PSPH: variants seen among roughly 807,000 people sequenced by gnomAD.
PSPH encodes the protein L-3-phosphoserine phosphatase.
PSPH carries 16 observed loss-of-function variants against 23.4 expected under a neutral mutation model. The observed-to-expected ratio is 0.68, with a 90% CI of 0.46 to 1.04. The LOEUF (loss-of-function observed/expected upper bound fraction) is 1.04, where lower values mean the gene tolerates loss of function less well. Ranked by LOEUF, PSPH falls within the 50% of genes least tolerant of loss-of-function variation. The pLI, the probability that PSPH is intolerant of heterozygous loss-of-function variation, is 0.00. For missense variants in PSPH, 223 were observed against 273.7 expected, an observed-to-expected ratio of 0.81 and a Z score of 1.31; for synonymous variants, 68 against 99.7, an observed-to-expected ratio of 0.68 and a Z score of 1.89.
intron 3 of PSPH, among the ~76,000 whole-genome samples, chr7:56,021,731 G>A (rs554208240): frequency 4.0e-5 from 6 of 149,964 alleles, no homozygotes; most frequent in Admixed American, 2.0e-4. Context: ...GGCGGATCAC[G>A]AGGTCAGGAG....
intron 1 of PSPH, among the ~76,000 whole-genome samples, chr7:56,043,673 C>G (rs1205195922): frequency 1.7e-5 from 2 of 120,076 alleles, no homozygotes; most frequent in African/African-American, 6.1e-5. Flanking sequence ...ACCCCTGTCT[C>G]TACAATAAAA....
At chr7:56,026,351 C>G (rs1264217161) in intron 3 of PSPH, among the ~76,000 whole-genome samples, 5 of 151,166 alleles carry the variant, frequency 3.3e-5, no homozygotes, top group African/African-American at 1.2e-4. Flanking sequence ...TGGCAGGCAC[C>G]TGTAATCCCA....
intron 3 of PSPH, among the ~76,000 whole-genome samples, chr7:56,028,233 G>A (rs190796740): frequency 6.6e-6 from 1 of 152,018 alleles, no homozygotes; most frequent in Non-Finnish European, 1.5e-5. Context: ...AATATTTTTG[G>A]CTTTTTTTAG....
chr7:56,018,741 T>A (rs1788924734), intron 5 of PSPH, among the ~76,000 whole-genome samples: 1 of 151,132 alleles, frequency 6.6e-6, no homozygotes, highest in Non-Finnish European at 1.5e-5. Flanking sequence ...GTGGGAAAAT[T>A]GATCATTTGA....
At position 56,017,357 on chromosome 7, in the gene PSPH, C is replaced by T. The variant is rs1464459584; in HGVS notation, c.298G>A (p.Glu100Lys). 1 of 1,608,048 alleles carries T rather than the reference C, an allele frequency of 6.2e-7. No individual in the cohort carries two copies. The highest frequency in any genetic ancestry group is 1.3e-5 in the African/African-American group (1 of 74,506). Residue 100 changes from glutamate (E) to lysine (K), a missense_variant, in exon 6 of 8, where the codon GAG (glutamate) becomes AAG (lysine). By Grantham distance (56) the Glu-to-Lys change is moderately conservative. Coordinates refer to ENST00000275605, the MANE Select transcript of PSPH (RefSeq NM_004577.4). ...ATTAGGAAAACCTGAACATTTCGCT[C>T]CTGTAGGCGACTTACCAGCTCCCTG... ...GIRELVSRLQ[E>K]RNVQVFLISG...
At chr7:56,019,891 T>C (rs1789108086) in intron 4 of PSPH, 157 bp from the exon 5 acceptor site, 1 of 922,526 alleles carries the variant, frequency 1.1e-6, no homozygotes, top group Non-Finnish European at 1.7e-6. Context: ...GAGCAAGGCC[T>C]TGGAATAAAC....
At chr7:56,039,869 T>C (rs1584490729) in intron 1 of PSPH, among the ~76,000 whole-genome samples, 1 of 145,674 alleles carries the variant, frequency 6.9e-6, no homozygotes, top group Non-Finnish European at 1.5e-5. Flanking sequence ...GAGGCCGAGG[T>C]GGGCGGATCA....
At chr7:56,025,761 T>G (rs10274148) in intron 3 of PSPH, among the ~76,000 whole-genome samples, 33,380 of 152,094 alleles carry the variant, frequency 0.22, 3,829 homozygotes, top group East Asian at 0.4. Flanking sequence ...ATCCAGCTAA[T>G]TTTTGTATTT....
chr7:56,019,951 C>A, intron 4 of PSPH: 1 of 652,648 alleles, frequency 1.5e-6, no homozygotes, highest in South Asian at 1.6e-5. Flanking sequence ...TGCAGTGACT[C>A]ATGCCCATAA....
chr7:56,023,760 C>A (rs1789784928), intron 3 of PSPH, among the ~76,000 whole-genome samples: 1 of 152,026 alleles, frequency 6.6e-6, no homozygotes, highest in Non-Finnish European at 1.5e-5. Context: ...TGATTTCCAA[C>A]CAATGCAGTT....
chr7:56,017,980 C>A (rs561110170), intron 5 of PSPH, among the ~76,000 whole-genome samples: 43 of 151,922 alleles, frequency 2.8e-4, no homozygotes, highest in Non-Finnish European at 5.7e-4. Flanking sequence ...GTCTTGGCCT[C>A]CCAAAGTGCT....
intron 1 of PSPH, among the ~76,000 whole-genome samples, chr7:56,042,627 G>A (rs1192463172): frequency 6.6e-6 from 1 of 150,462 alleles, no homozygotes; most frequent in Non-Finnish European, 1.5e-5. Flanking sequence ...CTCCAGCTTC[G>A]GCAACAGAGT....
intron 7 of PSPH, among the ~76,000 whole-genome samples, chr7:56,014,608 A>G (rs1011025195): frequency 2.0e-5 from 3 of 151,796 alleles, no homozygotes; most frequent in African/African-American, 7.3e-5. Flanking sequence ...TCCTGCCTCG[A>G]CCTCCCAAAG....
chr7:56,018,142 G>A (rs191121449), intron 5 of PSPH, among the ~76,000 whole-genome samples: 1 of 151,896 alleles, frequency 6.6e-6, no homozygotes. Context: ...TCAGGCATTC[G>A]AGACCAGCCT....
intron 1 of PSPH, among the ~76,000 whole-genome samples, chr7:56,048,176 G>A (rs1793503621): frequency 1.3e-5 from 2 of 152,066 alleles, no homozygotes; most frequent in Admixed American, 1.3e-4. Context: ...CTACTCTGGA[G>A]GCTGAGGCAG....
intron 3 of PSPH, among the ~76,000 whole-genome samples, chr7:56,025,866 A>G (rs1266289228): frequency 1.3e-5 from 2 of 152,126 alleles, no homozygotes; most frequent in Admixed American, 1.3e-4. Context: ...AAGTGCTGGG[A>G]TTATAGGCAT....
intron 6 of PSPH, among the ~76,000 whole-genome samples, chr7:56,016,965 G>C (rs1266759207): frequency 6.6e-6 from 1 of 152,094 alleles, no homozygotes; most frequent in Non-Finnish European, 1.5e-5. Context: ...TAAGTCATAG[G>C]GGGCTTCGTA....
intron 1 of PSPH, among the ~76,000 whole-genome samples, 169 bp downstream of exon 1, chr7:56,050,969 A>G (rs1793972300): frequency 6.6e-6 from 1 of 152,130 alleles, no homozygotes; most frequent in African/African-American, 2.4e-5. Context: ...ACTTGAACTC[A>G]GGAGTATCAC....
intron 1 of PSPH, among the ~76,000 whole-genome samples, chr7:56,047,962 G>A (rs1282221836): frequency 2.0e-5 from 3 of 149,882 alleles, no homozygotes; most frequent in Admixed American, 6.7e-5. Flanking sequence ...CACTGTGCCC[G>A]GCCATAATCT....
Sources: allele counts gnomAD v4.1 joint callset (sites outside exome capture counted in the v4.1 genomes callset), GRCh38; gene constraint gnomAD v4.1.1; transcripts MANE v1.5; gene names NCBI Gene and HGNC (gene_info 2026-07-23, HGNC 2026-07-21).